Variants in CEP63 observed in about 807,000 individuals in gnomAD.
CEP63 encodes the protein centrosomal protein 63.
CEP63 carries 84 observed loss-of-function variants against 89.1 expected under a neutral mutation model. The ratio of observed to expected loss-of-function variants is 0.94; its 90% CI spans 0.79 to 1.13. The LOEUF is 1.13. Among genes scored for constraint, CEP63 ranks in the 50% most tolerant of loss-of-function variants. The pLI, the probability that CEP63 is intolerant of heterozygous loss-of-function variation, is 0.00. For missense variants in CEP63, 838 were observed against 813.3 expected (o/e 1.03, Z -0.37); for synonymous variants, 267 against 272.5 (o/e 0.98, Z 0.20).
intron 3 of CEP63, among the ~76,000 whole-genome samples, chr3:134,526,781 T>C (rs1948735303): frequency 6.6e-6 from 1 of 152,154 alleles, no homozygotes; most frequent in Non-Finnish European, 1.5e-5. Flanking sequence ...AGGTTTTTTT[T>C]TTTCCTTTTA....
At chr3:134,668,535 A>G in the CEP63 span, among the ~76,000 whole-genome samples, 1 of 152,294 alleles carries the variant, frequency 6.6e-6, no homozygotes, top group East Asian at 1.9e-4. Flanking sequence ...CAGAACTAGG[A>G]GGTGGCATTA....
intron 5 of CEP63, chr3:134,535,762 A>G (rs1394218714): frequency 6.6e-6 from 1 of 152,056 alleles, no homozygotes; most frequent in African/African-American, 2.4e-5. Flanking sequence ...GTTGATAACA[A>G]CTCAATTTGC....
the CEP63 span, among the ~76,000 whole-genome samples, chr3:134,700,925 T>A: frequency 6.6e-6 from 1 of 152,160 alleles, no homozygotes; most frequent in Non-Finnish European, 1.5e-5. Flanking sequence ...CCAGTTTGCT[T>A]GTCCTTGTCT....
intron 11 of CEP63, among the ~76,000 whole-genome samples, chr3:134,572,651 C>T (rs144310674): frequency 2.6e-5 from 4 of 152,170 alleles, no homozygotes; most frequent in East Asian, 1.9e-4. Context: ...TTATCTAATC[C>T]GCTATTGATG....
chr3:134,521,754 A>G (rs1243553038), intron 3 of CEP63, among the ~76,000 whole-genome samples: 6 of 152,208 alleles, frequency 3.9e-5, no homozygotes, highest in Non-Finnish European at 2.9e-5. Context: ...TTAGTATTGC[A>G]TAAGAATCAA....
chr3:134,564,354 C>T lies in CEP63; in HGVS notation c.*2819C>T, dbSNP rs1329640413. On this transcript the variant is annotated 3_prime_UTR_variant, in exon 15 of 15. Transcript: ENST00000675561. The stretch of plus-strand genomic sequence containing the variant: ...ACCCTGTCATGTGCTCCTAAAACTC[C>T]CCCTTTACTTGGCTACTTTATCTGG... The T allele has an allele frequency of 1.0e-6, 1 of 985,278 alleles. No individual in the cohort carries two copies. 61.0% of individuals were successfully genotyped at this position (985,278 alleles called of 1,614,324 possible). A position where few individuals can be genotyped will look rare whatever the true frequency, so the allele number is the denominator to read the frequency against.
chr3:134,490,129 T>G (rs1226142226), intron 1 of CEP63, among the ~76,000 whole-genome samples: 1 of 152,124 alleles, frequency 6.6e-6, no homozygotes, highest in Non-Finnish European at 1.5e-5. Flanking sequence ...TGCTACTAGG[T>G]TAGTCGTTAG....
chr3:134,765,113 C>T, the CEP63 span, among the ~76,000 whole-genome samples: 4 of 152,136 alleles, frequency 2.6e-5, no homozygotes, highest in Non-Finnish European at 4.4e-5. Context: ...AATTTGCATT[C>T]CTAAGAGGTT....
intron 3 of CEP63, among the ~76,000 whole-genome samples, chr3:134,510,380 C>CTA (rs1413512930): frequency 6.6e-6 from 1 of 152,218 alleles, no homozygotes; most frequent in Non-Finnish European, 1.5e-5. Context: ...ATGTCATAGT[C>CTA]TAACACCTGC....
chr3:134,704,554 C>T, the CEP63 span, among the ~76,000 whole-genome samples: 79 of 152,262 alleles, frequency 5.2e-4, no homozygotes, highest in African/African-American at 1.9e-3. Flanking sequence ...CACTTAAATC[C>T]AGAGGTCATT....
In CEP63 at chr3:134,555,360, A is replaced by G. The variant is rs547398966; in HGVS notation, c.1468-2782A>G. 3.3e-3 allele frequency among the ~76,000 whole-genome samples: 506 copies of G among 152,178 alleles called. 4 individuals are homozygous for G. The highest frequency in any genetic ancestry group is 0.011 in the African/African-American group (467 of 41,504). The stretch of plus-strand genomic sequence containing the variant: ...TCCTCTTTGCAGACGACATGATTGT[A>G]TATCTAGAAAACCCCATTGTCTCAG... On this transcript the variant is annotated intron_variant, in intron 12 of 14. Coordinates refer to ENST00000675561, the MANE Select transcript of CEP63 (RefSeq NM_001353108.3).
At chr3:134,513,630 T>C (rs139786867) in intron 3 of CEP63, among the ~76,000 whole-genome samples, 1 of 152,050 alleles carries the variant, frequency 6.6e-6, no homozygotes, top group African/African-American at 2.4e-5. Flanking sequence ...GGATAAAAGG[T>C]TGAGTGGTGT....
At chr3:134,527,085 CA>C (rs1186140540) in intron 3 of CEP63, among the ~76,000 whole-genome samples, 2 of 152,200 alleles carry the variant, frequency 1.3e-5, no homozygotes, top group Admixed American at 1.3e-4. Flanking sequence ...TCCTTGTTTA[CA>C]TGTGCCAGCA....
At chr3:134,724,298 A>G in the CEP63 span, among the ~76,000 whole-genome samples, 2 of 152,244 alleles carry the variant, frequency 1.3e-5, no homozygotes, top group African/African-American at 4.8e-5. Flanking sequence ...TCTTTCTGTC[A>G]GGTGGCATTA....
At chr3:134,507,324 A>G in intron 3 of CEP63, 38 bp downstream of exon 3, 1 of 1,459,386 alleles carries the variant, frequency 6.9e-7, no homozygotes, top group South Asian at 1.2e-5. Flanking sequence ...TGACATTTTT[A>G]TCTTGTCTTT....
intron 2 of CEP63, among the ~76,000 whole-genome samples, chr3:134,496,583 T>G (rs1940116665): frequency 6.6e-6 from 1 of 152,236 alleles, no homozygotes; most frequent in African/African-American, 2.4e-5. Flanking sequence ...GACAGGCTGT[T>G]ATCAAGACAG....
At chr3:134,729,296 A>T in the CEP63 span, among the ~76,000 whole-genome samples, 2 of 152,206 alleles carry the variant, frequency 1.3e-5, no homozygotes, top group Non-Finnish European at 2.9e-5. Context: ...TTTATGTAAA[A>T]TAAGCAATTA....
the CEP63 span, among the ~76,000 whole-genome samples, chr3:134,641,797 G>T: frequency 6.6e-6 from 1 of 152,148 alleles, no homozygotes; most frequent in African/African-American, 2.4e-5. Context: ...CTGGCTCAGG[G>T]TGTTTGACTT....
chr3:134,557,389 T>G lies in CEP63; in HGVS notation c.1468-753T>G, dbSNP rs200938521. Among the ~76,000 whole-genome samples, 87 of 145,634 alleles carry G rather than the reference T, an allele frequency of 6.0e-4. 2 individuals are homozygous for G. The highest frequency in any genetic ancestry group is 9.8e-4 in the East Asian group (5 of 5,098). On this transcript the variant is annotated intron_variant, in intron 12 of 14. Coordinates refer to ENST00000675561, the MANE Select transcript of CEP63 (RefSeq NM_001353108.3). The stretch of plus-strand genomic sequence containing the variant: ...CTTTCATAATTTGTTTTTTTTTTTT[T>G]TTTTTTTTTTTTTTTACAGAAAAGA...
Sources: allele counts gnomAD v4.1 joint callset (sites outside exome capture counted in the v4.1 genomes callset), GRCh38; gene constraint gnomAD v4.1.1; transcripts MANE v1.5; gene names NCBI Gene and HGNC (gene_info 2026-07-23, HGNC 2026-07-21).